LRTM3: variants seen among roughly 807,000 people sequenced by gnomAD.
LRTM3 encodes the protein leucine-rich repeat transmembrane protein 3.
At chr13:102,757,107 G>A in the LRTM3 span, among the ~76,000 whole-genome samples, 3,169 of 152,274 alleles carry the variant, frequency 0.021, 48 homozygotes, top group Non-Finnish European at 0.035. Context: ...ATCTTGGTCT[G>A]TCCATTTGGA....
At chr13:102,733,553 G>C in the LRTM3 span, 1 of 1,551,170 alleles carries the variant, frequency 6.4e-7, no homozygotes, top group Non-Finnish European at 8.7e-7. Context: ...CATTATTTCA[G>C]TGTCTTCTTC....
At chr13:102,753,350 A>T in the LRTM3 span, among the ~76,000 whole-genome samples, 3 of 152,136 alleles carry the variant, frequency 2.0e-5, no homozygotes, top group Non-Finnish European at 4.4e-5. Flanking sequence ...GACGGAGAGC[A>T]TTAGGACAGA....
At chr13:102,758,340 G>T in the LRTM3 span, 1 of 1,036,396 alleles carries the variant, frequency 9.6e-7, no homozygotes, top group Non-Finnish European at 1.4e-6. Context: ...AGAAGTAAAG[G>T]CAATTTTGAA....
the LRTM3 span, chr13:102,749,215 T>C: frequency 6.4e-7 from 1 of 1,550,652 alleles, no homozygotes; most frequent in Non-Finnish European, 8.7e-7. Context: ...TTTTGGCTTT[T>C]AGAGATGGAA....
the LRTM3 span, among the ~76,000 whole-genome samples, chr13:102,756,574 T>C: frequency 1.7e-4 from 25 of 147,430 alleles, no homozygotes; most frequent in African/African-American, 6.2e-4. Flanking sequence ...CTATGGAGGC[T>C]GAGGCAGGAG....
the LRTM3 span, among the ~76,000 whole-genome samples, chr13:102,751,829 C>T: frequency 3.2e-4 from 48 of 152,076 alleles, no homozygotes; most frequent in Admixed American, 3.1e-3. Flanking sequence ...TGCTAAGTCC[C>T]ACAAATGACT....
At chr13:102,739,116 G>C in the LRTM3 span, 24 of 1,550,402 alleles carry the variant, frequency 1.5e-5, no homozygotes, top group Non-Finnish European at 2.0e-5. Context: ...AAGTGAGGTG[G>C]AGAAAGAATA....
At chr13:102,739,249 C>G in the LRTM3 span, 10 of 1,550,184 alleles carry the variant, frequency 6.5e-6, no homozygotes, top group Non-Finnish European at 8.7e-6. Flanking sequence ...AAAGTGATTT[C>G]TTTCCTTTCA....
At chr13:102,733,434 A>G in the LRTM3 span, 1 of 1,551,336 alleles carries the variant, frequency 6.4e-7, no homozygotes, top group Non-Finnish European at 8.7e-7. Context: ...TCTGAAACAG[A>G]AAATCCTTTT....
At chr13:102,729,966 TTC>T in the LRTM3 span, 5 of 1,551,788 alleles carry the variant, frequency 3.2e-6, no homozygotes, top group Middle Eastern at 1.7e-4. Context: ...GAGTAACTTG[TTC>T]TGCTCTTGGT....
At chr13:102,752,720 A>G in the LRTM3 span, among the ~76,000 whole-genome samples, 5 of 152,216 alleles carry the variant, frequency 3.3e-5, no homozygotes, top group Admixed American at 2.0e-4. Context: ...TCTAAAATTC[A>G]TATGTTGAAG....
At chr13:102,742,278 T>C in the LRTM3 span, 90 of 1,550,284 alleles carry the variant, frequency 5.8e-5, no homozygotes, top group African/African-American at 9.0e-4. Flanking sequence ...CTTTTTGCCT[T>C]CAATTTTATC....
At chr13:102,733,431 C>A in the LRTM3 span, 1 of 1,551,300 alleles carries the variant, frequency 6.4e-7, no homozygotes, top group Non-Finnish European at 8.7e-7. Context: ...CTCTCTGAAA[C>A]AGAAAATCCT....
chr13:102,748,201 A>T, the LRTM3 span: 3 of 1,551,092 alleles, frequency 1.9e-6, no homozygotes, highest in South Asian at 3.6e-5. Context: ...CTTTATCTTG[A>T]TGCATATTTG....
At chr13:102,755,923 GTGT>G in the LRTM3 span, among the ~76,000 whole-genome samples, 5 of 59,442 alleles carry the variant, frequency 8.4e-5, no homozygotes, top group African/African-American at 2.3e-4. Context: ...GTGTGTGTGT[GTGT>G]GTGTGTATAT....
At chr13:102,734,889 T>A in the LRTM3 span, 1 of 1,550,990 alleles carries the variant, frequency 6.4e-7, no homozygotes, top group African/African-American at 1.4e-5. Flanking sequence ...TCCTCTTCCT[T>A]GTTCTGTGAC....
the LRTM3 span, chr13:102,748,245 C>A: frequency 6.4e-7 from 1 of 1,551,184 alleles, no homozygotes; most frequent in Non-Finnish European, 8.7e-7. Context: ...TCCAGTTCCT[C>A]ACTTTCACGT....
the LRTM3 span, chr13:102,739,332 G>A: frequency 1.9e-6 from 3 of 1,549,074 alleles, no homozygotes; most frequent in South Asian, 1.2e-5. Context: ...TTTTTCTGTG[G>A]AAAACACTTT....
the LRTM3 span, chr13:102,744,982 G>C: frequency 1.9e-6 from 3 of 1,550,742 alleles, no homozygotes; most frequent in South Asian, 3.6e-5. Context: ...CATTTACTGA[G>C]TCCTCTGATT....
Sources: gnomAD v4.1 joint callset for allele counts (sites outside exome capture counted in the v4.1 genomes callset) on GRCh38, gnomAD v4.1.1 for gene constraint, MANE v1.5 for transcripts, NCBI Gene and HGNC (gene_info 2026-07-23, HGNC 2026-07-21) for gene names.